The following CARNMT1 variants were observed in gnomAD, a reference collection of about 807,000 sequenced individuals.
CARNMT1 encodes protein-L-histidine N-pros-methyltransferase CARNMT1.
In CARNMT1, 28 loss-of-function variants were observed where a neutral mutation model predicts 49.6. The observed-to-expected ratio is 0.56, with a 90% confidence interval of 0.42 to 0.77. The LOEUF is 0.77. Ranked by LOEUF, CARNMT1 falls within the 30% of genes least tolerant of loss-of-function variation. CARNMT1 has a pLI of 0.00. For synonymous variants in CARNMT1, 178 were observed against 175.0 expected (o/e 1.02, Z -0.13); for missense variants, 421 against 512.6 (o/e 0.82, Z 1.73).
In CARNMT1 at chr9:75,016,291, T is replaced by A. The variant is rs572086678; in HGVS notation, c.567A>T (p.Leu189Phe). 23 of 1,612,956 alleles carry A rather than the reference T, an allele frequency of 1.4e-5. No individual in the cohort carries two copies. The highest frequency in any genetic ancestry group is 1.6e-4 in the Middle Eastern group (1 of 6,072). Reference sequence around the variant, plus strand: ...ACCATCTCTCTTTTGGAAAATTTTTTAAAATTTCTTTAATGATTGGCTGGT... The same window carrying A: ...ACCATCTCTCTTTTGGAAAATTTTTAAAAATTTCTTTAATGATTGGCTGGT... ...ACYQPIIKEI[L>F]KNFPKERWDP... Residue 189 changes from leucine to phenylalanine, a missense_variant, in exon 3 of 8, where the codon TTA becomes TTT. Leu to Phe is a conservative substitution (Grantham distance 22, BLOSUM62 0). This residue lies in a region of CARNMT1 where 235 missense variants were observed against 344.8 expected (regional missense o/e 0.68). Transcript: ENST00000376834.
intron 5 of CARNMT1, among the ~76,000 whole-genome samples, chr9:74,997,405 C>T (rs954661408): frequency 2.6e-5 from 4 of 152,174 alleles, no homozygotes; most frequent in African/African-American, 9.7e-5. Flanking sequence ...GTTGCTATCC[C>T]TGCTTTAAGC....
intron 3 of CARNMT1, among the ~76,000 whole-genome samples, chr9:75,005,665 G>A (rs908015853): frequency 6.6e-6 from 1 of 151,782 alleles, no homozygotes; most frequent in African/African-American, 2.4e-5. Context: ...AGTAGAGACA[G>A]GGTTTCACCG....
rs1367778417 is a variant in CARNMT1 at position 74,981,776 on chromosome 9, A to T, written c.*1991T>A. ...CATTTGTTTTGATACAAGTTGTAAA[A>T]AAGTGAATACTAGTCAGTGAATAAA... On this transcript the variant is annotated 3_prime_UTR_variant, in exon 8 of 8. Coordinates refer to ENST00000376834, the MANE Select transcript of CARNMT1 (RefSeq NM_152420.3). The T allele has an allele frequency of 6.6e-6, 1 of 152,158 alleles. No individual in the cohort carries two copies. The highest frequency in any genetic ancestry group is 1.5e-5 in the Non-Finnish European group (1 of 68,008). 9.4% of individuals were successfully genotyped at this position (152,158 alleles called of 1,614,324 possible). A position where few individuals can be genotyped will look rare whatever the true frequency, so the allele number is the denominator to read the frequency against.
At chr9:74,992,779 A>ATAAT (rs1160347895) in intron 6 of CARNMT1, among the ~76,000 whole-genome samples, 1 of 152,212 alleles carries the variant, frequency 6.6e-6, no homozygotes, top group African/African-American at 2.4e-5. Flanking sequence ...ATTTTCATAT[A>ATAAT]TAATTTTACC....
chr9:75,019,537 G>C (rs1789207658), intron 1 of CARNMT1, among the ~76,000 whole-genome samples: 1 of 152,144 alleles, frequency 6.6e-6, no homozygotes, highest in Admixed American at 6.5e-5. Flanking sequence ...GTGACATTTA[G>C]TATCTCTTCC....
At chr9:75,022,804 A>G (rs1347019315) in intron 1 of CARNMT1, among the ~76,000 whole-genome samples, 1 of 152,120 alleles carries the variant, frequency 6.6e-6, no homozygotes, top group East Asian at 1.9e-4. Flanking sequence ...TCCTTCCTTC[A>G]TGGCTAAGAT....
intron 1 of CARNMT1, among the ~76,000 whole-genome samples, chr9:75,025,667 TCAAAA>T (rs572327494): frequency 4.3e-4 from 65 of 152,366 alleles, no homozygotes; most frequent in African/African-American, 1.5e-3. Flanking sequence ...GTTGCAAATG[TCAAAA>T]CAATTTTCCA....
chr9:75,025,736 A>G (rs559267733), intron 1 of CARNMT1, among the ~76,000 whole-genome samples: 1 of 152,300 alleles, frequency 6.6e-6, no homozygotes, highest in South Asian at 2.1e-4. Context: ...GTTCAGATCC[A>G]TATTGTTTAA....
In CARNMT1 at chr9:75,016,494, T is replaced by C. The variant is rs529898007; in HGVS notation, c.427-63A>G. 34 of 1,523,400 alleles carry C rather than the reference T, an allele frequency of 2.2e-5. No individual in the cohort carries two copies. The South Asian group carries it at 2.3e-4, about 10-fold the overall frequency. 94.4% of individuals were successfully genotyped at this position (1,523,400 alleles called of 1,614,324 possible). A position where few individuals can be genotyped will look rare whatever the true frequency, so the allele number is the denominator to read the frequency against. ...GTAATCCACTTATATTATGGTTAAATAGACATGCTACTAAGGGGCTATATA... is the reference window on the plus strand; with the variant it reads ...GTAATCCACTTATATTATGGTTAAACAGACATGCTACTAAGGGGCTATATA... On this transcript the variant is annotated intron_variant, in intron 2 of 7. Coordinates refer to ENST00000376834, the MANE Select transcript of CARNMT1 (RefSeq NM_152420.3).
chr9:74,985,701 T>C (rs756573191), intron 6 of CARNMT1, among the ~76,000 whole-genome samples: 1 of 152,112 alleles, frequency 6.6e-6, no homozygotes, highest in African/African-American at 2.4e-5. Context: ...TGCCTCAGCC[T>C]CCTGAATAGC....
chr9:74,986,657 A>AT (rs1399146549), intron 6 of CARNMT1, among the ~76,000 whole-genome samples: 1 of 152,116 alleles, frequency 6.6e-6, no homozygotes, highest in Non-Finnish European at 1.5e-5. Context: ...TACTTAGACC[A>AT]TTTTTACCTC....
intron 3 of CARNMT1, among the ~76,000 whole-genome samples, chr9:75,007,558 G>A (rs146041622): frequency 0.018 from 2,796 of 151,606 alleles, 22 homozygotes; most frequent in Middle Eastern, 0.027. Flanking sequence ...GTGAAACCCC[G>A]TCTCTACTGA....
At chr9:74,993,180 T>C (rs1256190200) in intron 6 of CARNMT1, among the ~76,000 whole-genome samples, 1 of 152,126 alleles carries the variant, frequency 6.6e-6, no homozygotes, top group African/African-American at 2.4e-5. Flanking sequence ...CAAAAGCATA[T>C]GGGTGCTAAT....
intron 6 of CARNMT1, chr9:74,991,033 AAC>A (rs1832993983): frequency 1.3e-5 from 2 of 152,232 alleles, no homozygotes; most frequent in South Asian, 2.1e-4. Context: ...AGATACAAGA[AAC>A]AGTTATTAAT....
intron 6 of CARNMT1, among the ~76,000 whole-genome samples, chr9:74,988,238 C>A (rs1421560057): frequency 6.6e-6 from 1 of 151,652 alleles, no homozygotes; most frequent in Non-Finnish European, 1.5e-5. Flanking sequence ...CTTTTAGTGG[C>A]CATAACAGAA....
intron 1 of CARNMT1, among the ~76,000 whole-genome samples, chr9:75,023,428 A>C (rs1235062838): frequency 1.3e-5 from 2 of 152,306 alleles, no homozygotes; most frequent in South Asian, 4.1e-4. Context: ...AAGTAATATC[A>C]AGGTTGCAAG....
upstream of CARNMT1, chr9:75,028,354 G>A: frequency 1.5e-6 from 2 of 1,303,534 alleles, no homozygotes; most frequent in Non-Finnish European, 1.9e-6. Flanking sequence ...CCCCCAGCTC[G>A]CGGCGCGCTC....
intron 3 of CARNMT1, among the ~76,000 whole-genome samples, chr9:75,015,093 G>C (rs1210820696): frequency 6.6e-6 from 1 of 152,162 alleles, no homozygotes; most frequent in Non-Finnish European, 1.5e-5. Flanking sequence ...CAGAGGTTAG[G>C]TGGATTAAAT....
intron 3 of CARNMT1, among the ~76,000 whole-genome samples, chr9:75,008,671 G>A (rs1393102579): frequency 6.6e-6 from 1 of 152,188 alleles, no homozygotes; most frequent in Non-Finnish European, 1.5e-5. Context: ...ACTGCTGAGA[G>A]AAATTAAAGC....
Sources: allele counts gnomAD v4.1 joint callset (sites outside exome capture counted in the v4.1 genomes callset), GRCh38; gene constraint gnomAD v4.1.1; regional missense constraint gnomAD v4.1.1; transcripts MANE v1.5; gene names NCBI Gene and HGNC (gene_info 2026-07-23, HGNC 2026-07-21).